DYNLT2: variants seen among roughly 807,000 people sequenced by gnomAD.
The protein encoded by DYNLT2 is dynein light chain Tctex-type protein 2.
In DYNLT2, 24 loss-of-function variants were observed where a neutral mutation model predicts 24.3. That is an observed-to-expected ratio of 0.99 (90% CI 0.71 to 1.39). The LOEUF is 1.39. Among genes scored for constraint, DYNLT2 ranks in the 40% most tolerant of loss-of-function variants. DYNLT2 has a pLI of 0.00. For missense variants in DYNLT2, 246 were observed against 234.5 expected (o/e 1.05, Z -0.32); for synonymous variants, 85 against 85.4 (o/e 1.00, Z 0.03).
chr6:169,741,516 C>T (rs983063274), intron 3 of DYNLT2, among the ~76,000 whole-genome samples: 1 of 152,140 alleles, frequency 6.6e-6, no homozygotes, highest in Non-Finnish European at 1.5e-5. Context: ...AGAAAGTAAG[C>T]AAATACATGG....
the DYNLT2 span, chr6:169,725,266 G>A: frequency 2.5e-6 from 1 of 398,690 alleles, no homozygotes; most frequent in African/African-American, 2.1e-5. Flanking sequence ...AGTAGAGAAT[G>A]TTCTCGGATT....
intron 1 of DYNLT2, among the ~76,000 whole-genome samples, chr6:169,747,563 CATTT>C (rs911415690): frequency 1.3e-5 from 2 of 152,020 alleles, no homozygotes; most frequent in Non-Finnish European, 2.9e-5. Context: ...CTGTTAATAC[CATTT>C]AGTGTATTTT....
chr6:169,747,588 A>G (rs1041797068), intron 1 of DYNLT2, among the ~76,000 whole-genome samples: 1 of 152,144 alleles, frequency 6.6e-6, no homozygotes, highest in African/African-American at 2.4e-5. Context: ...CATCCCTGAC[A>G]TAGTATTTTT....
chr6:169,751,529 G>C lies in DYNLT2; in HGVS notation c.-71C>G, dbSNP rs1009474088. 3 of 1,610,202 alleles carry C rather than the reference G, an allele frequency of 1.9e-6. No homozygotes were observed. The highest frequency in any genetic ancestry group is 2.7e-5 in the African/African-American group (2 of 74,770). ...GCGGTCAAACGCCCTAGCCAGTCCC[G>C]CGAGGGCGGAAGTCTCCCACCTGCG... On this transcript the variant is annotated 5_prime_UTR_variant, in exon 1 of 4. Coordinates refer to ENST00000366774, the MANE Select transcript of DYNLT2 (RefSeq NM_174910.3).
chr6:169,732,037 CAGGA>C, the DYNLT2 span, among the ~76,000 whole-genome samples: 5 of 152,290 alleles, frequency 3.3e-5, no homozygotes, highest in East Asian at 9.7e-4. Flanking sequence ...ACAAGTTCAT[CAGGA>C]AGGCAAATTG....
downstream of DYNLT2, among the ~76,000 whole-genome samples, chr6:169,739,542 TA>T (rs988499563): frequency 1.3e-5 from 2 of 152,078 alleles, no homozygotes; most frequent in African/African-American, 2.4e-5. Flanking sequence ...CCCTGGGAAA[TA>T]AAATTTTCCT....
the DYNLT2 span, among the ~76,000 whole-genome samples, chr6:169,730,465 GA>G: frequency 2.0e-5 from 3 of 152,048 alleles, no homozygotes; most frequent in African/African-American, 7.2e-5. Flanking sequence ...AGATTGAGAG[GA>G]AAAAAACAGC....
At position 169,740,248 on chromosome 6, in the gene DYNLT2, T is replaced by C; in HGVS notation, c.534A>G (p.Ala178=). The stretch of plus-strand genomic sequence containing the variant: ...CGTAGGATTCTGCTTCGTGTTTAGC[T>C]GCGACCCAGCTGTCCCATGCAATGT... The part of the protein sequence containing the change: ...IWDIAWDSWV[A]AKHEAESYVA... Residue 178 remains alanine (A), a synonymous_variant, in exon 4 of 4, where the codon GCA becomes GCG. Coordinates refer to ENST00000366774, the MANE Select transcript of DYNLT2 (RefSeq NM_174910.3). The C allele has an allele frequency of 6.2e-7, 1 of 1,614,148 alleles. No individual in the cohort carries two copies.
At chr6:169,725,424 A>G in the DYNLT2 span, 1 of 397,742 alleles carries the variant, frequency 2.5e-6, no homozygotes, top group Non-Finnish European at 4.4e-6. Flanking sequence ...CACTTGCCTC[A>G]GGTCAGAGAG....
the DYNLT2 span, among the ~76,000 whole-genome samples, chr6:169,731,083 G>A: frequency 6.6e-6 from 1 of 152,058 alleles, no homozygotes. Flanking sequence ...GCTTATTGGG[G>A]AAGAAAAGGA....
intron 3 of DYNLT2, among the ~76,000 whole-genome samples, chr6:169,741,208 A>T (rs1789671667): frequency 6.6e-6 from 1 of 152,184 alleles, no homozygotes; most frequent in South Asian, 2.1e-4. Flanking sequence ...ATGAGTTGTA[A>T]AATATGACAC....
chr6:169,732,455 C>G, the DYNLT2 span, among the ~76,000 whole-genome samples: 1 of 152,176 alleles, frequency 6.6e-6, no homozygotes, highest in Non-Finnish European at 1.5e-5. Flanking sequence ...TCACCCCCAA[C>G]AGGCCCTGGT....
At chr6:169,727,386 C>T in the DYNLT2 span, among the ~76,000 whole-genome samples, 6 of 152,020 alleles carry the variant, frequency 3.9e-5, no homozygotes, top group African/African-American at 1.5e-4. Flanking sequence ...GGCAGAAAAC[C>T]ATGATTGAGC....
At chr6:169,730,528 G>T in the DYNLT2 span, among the ~76,000 whole-genome samples, 2,592 of 152,226 alleles carry the variant, frequency 0.017, 73 homozygotes, top group African/African-American at 0.058. Flanking sequence ...AAGTCAGATT[G>T]CTTTTAAGGA....
At chr6:169,734,111 T>C in the DYNLT2 span, among the ~76,000 whole-genome samples, 1 of 152,230 alleles carries the variant, frequency 6.6e-6, no homozygotes, top group Admixed American at 6.5e-5. Context: ...AAGGAAAGCT[T>C]GTGATTTTTG....
intron 1 of DYNLT2, among the ~76,000 whole-genome samples, chr6:169,748,288 A>G (rs1289175525): frequency 6.6e-6 from 1 of 152,084 alleles, no homozygotes; most frequent in Non-Finnish European, 1.5e-5. Flanking sequence ...TTGGCTTCCC[A>G]GGCTCCTAAC....
chr6:169,743,316 T>C, intron 2 of DYNLT2, 78 bp from the exon 3 acceptor site: 1 of 763,126 alleles, frequency 1.3e-6, no homozygotes, highest in Non-Finnish European at 1.9e-6. Context: ...AGAAAACATG[T>C]CTAAATAATA....
At chr6:169,733,789 GA>G in the DYNLT2 span, among the ~76,000 whole-genome samples, 1 of 152,186 alleles carries the variant, frequency 6.6e-6, no homozygotes, top group Non-Finnish European at 1.5e-5. Flanking sequence ...GATTCTATAT[GA>G]AATTTAAAAT....
At chr6:169,751,155 C>T in intron 1 of DYNLT2, 184 bp downstream of exon 1, 1 of 892,816 alleles carries the variant, frequency 1.1e-6, no homozygotes, top group East Asian at 2.6e-5. Context: ...CACTCAAGTC[C>T]AAAGGGGACT....
Sources: allele counts gnomAD v4.1 joint callset (sites outside exome capture counted in the v4.1 genomes callset), GRCh38; gene constraint gnomAD v4.1.1; transcripts MANE v1.5; gene names NCBI Gene and HGNC (gene_info 2026-07-23, HGNC 2026-07-21).